The following MYO1C variants were observed in gnomAD, a reference collection of about 807,000 sequenced individuals.
The protein encoded by MYO1C is myosin IC.
A neutral mutation model predicts 150.8 loss-of-function variants in MYO1C; 104 were observed. The observed-to-expected ratio is 0.69, with a 90% CI of 0.59 to 0.81. The LOEUF (loss-of-function observed/expected upper bound fraction) is 0.81. MYO1C is among the 30% of genes least tolerant of loss of function. The pLI is 0.00. For missense variants in MYO1C, 1,504 were observed against 1,435.0 expected (o/e 1.05, Z -0.78); for synonymous variants, 663 against 579.9 (o/e 1.14, Z -2.06).
intron 24 of MYO1C, 120 bp from the exon 25 acceptor site, chr17:1,469,734 C>T (rs1228356518): frequency 1.3e-5 from 11 of 875,808 alleles, no homozygotes; most frequent in East Asian, 2.7e-5. Flanking sequence ...GAGACGCTTC[C>T]GGTCAAGAGA....
Position 1,468,309 on chromosome 17 carries a change from C to A in MYO1C, c.2705-1G>T, listed in dbSNP as rs2074223696. 6.2e-7 allele frequency: 1 copy of A among 1,614,044 alleles called. No homozygotes were observed. Among genetic ancestry groups the A allele is most frequent in the Non-Finnish European group, 8.5e-7 (1 of 1,180,006 alleles). ...ACTCGGGGGCTGATCTCATCTGTACCTGCAACTCAGATGGCGGGGAGGGAA... is the reference window on the plus strand; with the variant it reads ...ACTCGGGGGCTGATCTCATCTGTACATGCAACTCAGATGGCGGGGAGGGAA... On this transcript the variant is annotated splice_acceptor_variant, in intron 26 of 31. Coordinates refer to ENST00000648651, the MANE Select transcript of MYO1C (RefSeq NM_001080779.2). LOFTEE classifies it high-confidence loss of function.
At position 1,474,991 on chromosome 17, in the gene MYO1C, C is replaced by A. The variant is rs374187920; in HGVS notation, c.1616G>T (p.Arg539Leu). Residue 539 changes from arginine (R) to leucine (L), a missense_variant, in exon 15 of 32, where the codon CGA (arginine) becomes CTA (leucine). By Grantham distance (102) the Arg-to-Leu change is moderately radical. Transcript: ENST00000648651. The stretch of plus-strand genomic sequence containing the variant: ...ATAGTGCAGAAGGCGGAATTCCCCT[C>A]GGCCCAGAGATTTCCTGGTCCGCTG... ...ADQRTRKSLG[R>L]GEFRLLHYAG... is the part of the protein sequence containing the mutation. 1.3e-6 allele frequency: 2 copies of A among 1,556,840 alleles called. No homozygotes were observed. The highest frequency in any genetic ancestry group is 1.9e-5 in the Admixed American group (1 of 51,408).
rs781088015 is a variant in MYO1C at position 1,478,780 on chromosome 17, G to T, written c.1093-45C>A. ...CAAGGAGATGAATGCCACAGAGCCT[G>T]TGCATCCCACCTGCTCCCAGGCTCA... On this transcript the variant is annotated intron_variant, in intron 9 of 31. Coordinates refer to ENST00000648651, the MANE Select transcript of MYO1C (RefSeq NM_001080779.2). The surrounding 1 kb of genome is among the most constrained non-coding windows in gnomAD (Gnocchi z 6.3). 6.1e-5 allele frequency: 98 copies of T among 1,609,620 alleles called. 1 individual carries two copies. In the East Asian group the frequency reaches 1.7e-3, roughly 28 times the overall value.
Position 1,471,051 on chromosome 17 carries a change from AG to A in MYO1C, c.2212+19del, listed in dbSNP as rs757311736. On this transcript the variant is annotated intron_variant, in intron 21 of 31. Transcript: ENST00000648651. ...CCAGAAGGGACCCCGTGCAGCAGGA[AG>A]GGTAGGCCTCTCTCTCACCCAGGCT... 6 of 1,612,088 alleles carry A rather than the reference AG, an allele frequency of 3.7e-6. No individual in the cohort carries two copies. Among genetic ancestry groups the A allele is most frequent in the Non-Finnish European group, 5.1e-6 (6 of 1,178,222 alleles).
rs2074292056 is a variant in MYO1C, at chr17:1,471,054, G to C, written c.2212+17C>G. 3 of 1,612,694 alleles carry C rather than the reference G, an allele frequency of 1.9e-6. No individual in the cohort carries two copies. The African/African-American group carries it at 4.0e-5, about 22-fold the overall frequency. ...GAAGGGACCCCGTGCAGCAGGAAGG[G>C]TAGGCCTCTCTCTCACCCAGGCTCT... On this transcript the variant is annotated intron_variant, in intron 21 of 31. Coordinates refer to ENST00000648651, the MANE Select transcript of MYO1C (RefSeq NM_001080779.2).
chr17:1,469,370 A>G, intron 25 of MYO1C, 161 bp downstream of exon 25: 1 of 694,066 alleles, frequency 1.4e-6, no homozygotes, highest in East Asian at 2.7e-5. Context: ...TGGGGTAAAT[A>G]GAGTAGACCA....
At position 1,477,876 on chromosome 17, in the gene MYO1C, G is replaced by T; in HGVS notation, c.1482+15C>A. ...CAGCCTCCAGCACCAGGCCTTGGAG[G>T]CGCAGAGGACTCACCAAAATCGAGA... On this transcript the variant is annotated intron_variant, in intron 13 of 31. Coordinates refer to ENST00000648651, the MANE Select transcript of MYO1C (RefSeq NM_001080779.2). 1.2e-6 allele frequency: 2 copies of T among 1,610,018 alleles called. No homozygotes were observed. Among genetic ancestry groups the T allele is most frequent in the Non-Finnish European group, 8.5e-7 (1 of 1,176,488 alleles).
chr17:1,469,649 C>T, intron 24 of MYO1C, 35 bp from the exon 25 acceptor site: 1 of 1,522,186 alleles, frequency 6.6e-7, no homozygotes, highest in Non-Finnish European at 9.1e-7. Flanking sequence ...GTCCTGGACA[C>T]CCTGGGCCCT....
chr17:1,484,061 T>C (rs978796674), intron 2 of MYO1C, 87 bp downstream of exon 2: 92 of 1,453,880 alleles, frequency 6.3e-5, no homozygotes, highest in Non-Finnish European at 8.2e-5. Context: ...AAAAAGTTTA[T>C]CCCGGTGACC....
At chr17:1,485,656 CG>C in intron 1 of MYO1C, 1 of 1,206,610 alleles carries the variant, frequency 8.3e-7, no homozygotes, top group South Asian at 3.2e-5. Flanking sequence ...GAGGGACGCC[CG>C]GGACCCCCCG....
intron 1 of MYO1C, among the ~76,000 whole-genome samples, chr17:1,487,877 T>C (rs938004612): frequency 1.3e-5 from 2 of 152,144 alleles, no homozygotes; most frequent in Non-Finnish European, 2.9e-5. Flanking sequence ...GCCGAGATTG[T>C]GCCACTGCAC....
At position 1,480,895 on chromosome 17, in the gene MYO1C, G is replaced by A. The variant is rs1302682253; in HGVS notation, c.628-10C>T. The A allele has an allele frequency of 6.2e-7, 1 of 1,613,614 alleles. No homozygotes were observed. Among genetic ancestry groups the A allele is most frequent in the South Asian group, 1.1e-5 (1 of 91,068 alleles). On this transcript the variant is annotated splice_polypyrimidine_tract_variant and intron_variant, in intron 5 of 31. Coordinates refer to ENST00000648651, the MANE Select transcript of MYO1C (RefSeq NM_001080779.2). ...CACCCACGGGGGCACCCTGTGGGCA[G>A]GGCAGGGCATGAGGCCGGGTCACGG...
intron 5 of MYO1C, among the ~76,000 whole-genome samples, chr17:1,481,547 C>G (rs545869290): frequency 8.5e-5 from 13 of 152,230 alleles, no homozygotes; most frequent in African/African-American, 2.9e-4. Flanking sequence ...TTCACCCAGG[C>G]TGGAGTGCAG....
intron 1 of MYO1C, among the ~76,000 whole-genome samples, chr17:1,487,779 C>T (rs2074682466): frequency 1.3e-5 from 2 of 152,230 alleles, no homozygotes; most frequent in South Asian, 4.1e-4. Context: ...ATTAGCTGAG[C>T]GTGGTGGTGG....
intron 31 of MYO1C, 30 bp from the exon 32 acceptor site, chr17:1,465,782 G>A: frequency 7.6e-7 from 1 of 1,316,780 alleles, no homozygotes; most frequent in African/African-American, 1.5e-5. Flanking sequence ...CGGCCAAGTG[G>A]TGAGGGGAGC....
intron 25 of MYO1C, chr17:1,468,947 C>G (rs2074238393): frequency 1.3e-5 from 4 of 297,852 alleles, no homozygotes; most frequent in Admixed American, 4.7e-5. Flanking sequence ...AAGACGCAGA[C>G]TTTTCAACAC....
In MYO1C at chr17:1,484,133, C is replaced by A. The variant is rs777339781; in HGVS notation, c.231+15G>T. Reference sequence around the variant, plus strand: ...TGACCCCAGCACCCCTGCCATCTCCCCACAAGGGCCTCACGTAGATGAGAT... The same window carrying A: ...TGACCCCAGCACCCCTGCCATCTCCACACAAGGGCCTCACGTAGATGAGAT... On this transcript the variant is annotated intron_variant, in intron 2 of 31. Transcript: ENST00000648651. 10 of 1,612,398 alleles carry A rather than the reference C, an allele frequency of 6.2e-6. No homozygotes were observed. In the South Asian group the frequency reaches 1.1e-4, roughly 18 times the overall value.
intron 13 of MYO1C, 54 bp downstream of exon 13, chr17:1,477,837 G>T (rs907484017): frequency 4.7e-6 from 7 of 1,502,532 alleles, no homozygotes; most frequent in Admixed American, 1.7e-5. Context: ...GGAGAAGGGG[G>T]ACATCCTCCC....
Position 1,478,845 on chromosome 17 carries a change from C to G in MYO1C, c.1093-110G>C, listed in dbSNP as rs555843579. On this transcript the variant is annotated intron_variant, in intron 9 of 31. Transcript: ENST00000648651. The surrounding 1 kb of genome is among the most constrained non-coding windows in gnomAD (Gnocchi z 6.3). ...CCGCCACCACTCTGCACTCCCAGCT[C>G]CAGCAAGCCTGCAGTATGGGGAGGG... is the stretch of plus-strand genomic sequence containing the variant. 1,826 of 1,540,292 alleles carry G rather than the reference C, an allele frequency of 1.2e-3. 3 individuals carry two copies. The highest frequency in any genetic ancestry group is 1.5e-3 in the Non-Finnish European group (1,741 of 1,137,834).
Sources: allele counts gnomAD v4.1 joint callset (sites outside exome capture counted in the v4.1 genomes callset), GRCh38; gene constraint gnomAD v4.1.1; non-coding constraint Gnocchi (gnomAD v3.1); transcripts MANE v1.5; gene names NCBI Gene and HGNC (gene_info 2026-07-23, HGNC 2026-07-21).